PTP4A1: variants seen among roughly 807,000 people sequenced by gnomAD.
PTP4A1 encodes protein tyrosine phosphatase type IVA 1.
Under a neutral mutation model 20.5 loss-of-function variants are expected in PTP4A1, and 9 were observed. That is an observed-to-expected ratio of 0.44 (90% CI 0.26 to 0.77). The LOEUF (loss-of-function observed/expected upper bound fraction) is 0.77. Ranked by LOEUF, PTP4A1 falls within the 30% of genes least tolerant of loss-of-function variation. The probability of loss-of-function intolerance (pLI) is 0.19; values close to 1 mark genes in which losing one functional copy is unlikely to be tolerated. For missense variants in PTP4A1, 137 were observed against 218.8 expected, an observed-to-expected ratio of 0.63 and a Z score of 2.36; for synonymous variants, 78 against 67.4, an observed-to-expected ratio of 1.16 and a Z score of -0.77.
upstream of PTP4A1, among the ~76,000 whole-genome samples, chr6:63,518,168 A>G (rs1162328345): frequency 2.0e-5 from 3 of 152,004 alleles, no homozygotes; most frequent in Admixed American, 1.3e-4. Context: ...AAAAAAAAAA[A>G]AAAAAATCTC....
intron 3 of PTP4A1, among the ~76,000 whole-genome samples, chr6:63,558,530 A>G (rs1776786736): frequency 6.6e-6 from 1 of 152,126 alleles, no homozygotes; most frequent in Non-Finnish European, 1.5e-5. Flanking sequence ...ATAACAGTAA[A>G]ATGAACAGGT....
chr6:63,579,044 A>G lies in PTP4A1; in HGVS notation c.329+16A>G. 6.4e-7 allele frequency: 1 copy of G among 1,556,270 alleles called. No individual in the cohort carries two copies. On this transcript the variant is annotated intron_variant, in intron 4 of 5. Coordinates refer to ENST00000626021, the MANE Select transcript of PTP4A1 (RefSeq NM_003463.5). ...GCCTTGGGAGGTAAATGAATTTATC[A>G]ATTTGATTCTAGGTAAAAATCTATT... is the stretch of plus-strand genomic sequence containing the variant.
intron 2 of PTP4A1, among the ~76,000 whole-genome samples, chr6:63,533,514 A>G (rs1018997036): frequency 2.0e-5 from 3 of 152,226 alleles, no homozygotes; most frequent in Non-Finnish European, 4.4e-5. Context: ...GGAGATTCAC[A>G]GTGAGTTTGC....
chr6:63,566,672 G>T (rs1777203279), intron 3 of PTP4A1, among the ~76,000 whole-genome samples: 1 of 152,214 alleles, frequency 6.6e-6, no homozygotes, highest in African/African-American at 2.4e-5. Flanking sequence ...GATGGCAGCT[G>T]ACTGATCAGG....
chr6:63,523,222 A>G (rs1293294908), intron 1 of PTP4A1, among the ~76,000 whole-genome samples: 2 of 152,136 alleles, frequency 1.3e-5, no homozygotes, highest in Non-Finnish European at 2.9e-5. Flanking sequence ...AAACAACTAT[A>G]AAGTAAGTGT....
At chr6:63,549,309 C>G (rs1286430278) in intron 2 of PTP4A1, 7 of 753,300 alleles carry the variant, frequency 9.3e-6, no homozygotes, top group South Asian at 5.5e-5. Context: ...GAGGATGGCT[C>G]TCTGCCGCTG....
At chr6:63,552,776 A>G (rs1338243077) in intron 3 of PTP4A1, among the ~76,000 whole-genome samples, 1 of 152,162 alleles carries the variant, frequency 6.6e-6, no homozygotes, top group African/African-American at 2.4e-5. Context: ...TCCCAACACC[A>G]TTTATTAAAT....
chr6:63,536,335 A>AAAAAGG (rs1157216969), intron 2 of PTP4A1, among the ~76,000 whole-genome samples: 3 of 152,202 alleles, frequency 2.0e-5, no homozygotes, highest in Non-Finnish European at 4.4e-5. Flanking sequence ...TGTCTCAAAA[A>AAAAAGG]AAAAGGAAAA....
At chr6:63,550,673 G>A (rs1408768230) in intron 3 of PTP4A1, among the ~76,000 whole-genome samples, 1 of 152,136 alleles carries the variant, frequency 6.6e-6, no homozygotes, top group East Asian at 1.9e-4. Context: ...TGCCCAGGCT[G>A]GAGTGCAGTG....
In PTP4A1 at chr6:63,583,278, CAT is replaced by C. The variant is rs1372712651; in HGVS notation, c.*3105_*3106del. The C allele has an allele frequency of 6.6e-6, 1 of 152,182 alleles. No individual in the cohort carries two copies. Among genetic ancestry groups the C allele is most frequent in the African/African-American group, 2.4e-5 (1 of 41,434 alleles). The allele number at this position is 152,182 out of a possible 1,614,324, so 9.4% of individuals were successfully genotyped here. ...AATACATGAAGTAGTGTCTGCCATACATGTTAATATTCTACATTCTTGCTTCC... is the reference window on the plus strand; with the variant it reads ...AATACATGAAGTAGTGTCTGCCATACGTTAATATTCTACATTCTTGCTTCC... On this transcript the variant is annotated 3_prime_UTR_variant, in exon 6 of 6. Coordinates refer to ENST00000626021, the MANE Select transcript of PTP4A1 (RefSeq NM_003463.5).
chr6:63,531,577 C>A (rs1435202343), intron 2 of PTP4A1, among the ~76,000 whole-genome samples: 2 of 145,940 alleles, frequency 1.4e-5, no homozygotes, highest in Non-Finnish European at 3.0e-5. Flanking sequence ...GCAGCCTCAA[C>A]CTCCTGGACT....
At chr6:63,577,038 A>T in intron 2 of PTP4A1, 53 bp downstream of exon 2, 1 of 1,372,250 alleles carries the variant, frequency 7.3e-7, no homozygotes, top group Non-Finnish European at 1.0e-6. Context: ...TAATAGTGGG[A>T]CTTATAGCTA....
intron 2 of PTP4A1, among the ~76,000 whole-genome samples, chr6:63,541,828 T>G (rs1775989274): frequency 6.6e-6 from 1 of 152,192 alleles, no homozygotes; most frequent in African/African-American, 2.4e-5. Context: ...CCTTAATGGC[T>G]TCACCCCTGT....
chr6:63,546,568 T>C (rs1776188992), intron 2 of PTP4A1, among the ~76,000 whole-genome samples: 1 of 152,146 alleles, frequency 6.6e-6, no homozygotes, highest in Middle Eastern at 3.2e-3. Flanking sequence ...TAGCCGAGCA[T>C]GGTGGTGCAT....
At chr6:63,569,199 C>T (rs567418431), upstream of PTP4A1, among the ~76,000 whole-genome samples, 96 of 152,272 alleles carry the variant, frequency 6.3e-4, no homozygotes, top group Non-Finnish European at 1.2e-3. Flanking sequence ...CAAGATTTGC[C>T]AATCTTCCTC....
chr6:63,562,650 G>A (rs1273798877), intron 3 of PTP4A1, among the ~76,000 whole-genome samples: 2 of 152,106 alleles, frequency 1.3e-5, no homozygotes, highest in Non-Finnish European at 2.9e-5. Flanking sequence ...TTAGCACATG[G>A]CTTGGAAAAC....
At chr6:63,541,137 T>C (rs1372943995) in intron 2 of PTP4A1, among the ~76,000 whole-genome samples, 1 of 152,124 alleles carries the variant, frequency 6.6e-6, no homozygotes, top group African/African-American at 2.4e-5. Flanking sequence ...CTGAGCTCTA[T>C]ATAGTTTAAA....
intron 3 of PTP4A1, among the ~76,000 whole-genome samples, chr6:63,554,693 A>G (rs554891036): frequency 6.6e-6 from 1 of 152,328 alleles, no homozygotes; most frequent in African/African-American, 2.4e-5. Context: ...AGGCTGAGGC[A>G]CAAGAGTCCC....
chr6:63,575,809 G>C (rs1777819788), intron 1 of PTP4A1, among the ~76,000 whole-genome samples: 1 of 152,104 alleles, frequency 6.6e-6, no homozygotes, highest in South Asian at 2.1e-4. Context: ...AGTTTAATGG[G>C]AATGATAACA....
Sources: gnomAD v4.1 joint callset for allele counts (sites outside exome capture counted in the v4.1 genomes callset) on GRCh38, gnomAD v4.1.1 for gene constraint, MANE v1.5 for transcripts, NCBI Gene and HGNC (gene_info 2026-07-23, HGNC 2026-07-21) for gene names.